Variants in FAM81A observed in about 807,000 individuals in gnomAD.
The protein encoded by FAM81A is family with sequence similarity 81 member A.
A neutral mutation model predicts 46.7 loss-of-function variants in FAM81A; 19 were observed. The ratio of observed to expected loss-of-function variants is 0.41; its 90% CI spans 0.28 to 0.60. The LOEUF (loss-of-function observed/expected upper bound fraction) is 0.60, where lower values mean the gene tolerates loss of function less well. FAM81A is among the 20% of genes least tolerant of loss of function. The pLI, the probability that FAM81A is intolerant of heterozygous loss-of-function variation, is 0.34. For missense variants in FAM81A, 377 were observed against 453.5 expected (o/e 0.83, Z 1.53); for synonymous variants, 183 against 152.9 (o/e 1.20, Z -1.45).
intron 4 of FAM81A, among the ~76,000 whole-genome samples, chr15:59,496,022 T>A (rs1394400274): frequency 2.0e-5 from 3 of 152,236 alleles, no homozygotes; most frequent in Admixed American, 6.5e-5. Flanking sequence ...TTAATCTTGC[T>A]TATATCTAAC....
intron 2 of FAM81A, among the ~76,000 whole-genome samples, chr15:59,421,519 C>T (rs1482423071): frequency 3.9e-5 from 6 of 152,108 alleles, no homozygotes; most frequent in Admixed American, 1.3e-4. Context: ...GAGCCTCTCC[C>T]GAATTTCTGC....
intron 1 of FAM81A, among the ~76,000 whole-genome samples, chr15:59,441,531 T>C (rs1403017323): frequency 1.3e-5 from 2 of 152,252 alleles, no homozygotes; most frequent in East Asian, 3.8e-4. Context: ...GCTACTCTGT[T>C]GAACTGTCCT....
At chr15:59,487,462 GA>G (rs1355984756) in intron 3 of FAM81A, among the ~76,000 whole-genome samples, 1 of 151,108 alleles carries the variant, frequency 6.6e-6, no homozygotes, top group African/African-American at 2.4e-5. Context: ...AAAAATCAAT[GA>G]AACAAAAAGT....
At chr15:59,410,220 C>T (rs2081114360) in intron 2 of FAM81A, among the ~76,000 whole-genome samples, 3 of 151,964 alleles carry the variant, frequency 2.0e-5, no homozygotes, top group Admixed American at 6.6e-5. Flanking sequence ...AGCTGGAACC[C>T]GGGAGGTAGA....
chr15:59,413,399 A>C (rs2081130843), intron 2 of FAM81A, among the ~76,000 whole-genome samples: 1 of 146,484 alleles, frequency 6.8e-6, no homozygotes, highest in Admixed American at 7.0e-5. Context: ...GGGCCTCAAA[A>C]CTGGGTTGAG....
At chr15:59,446,165 G>A (rs1170027494) in intron 1 of FAM81A, among the ~76,000 whole-genome samples, 1 of 152,240 alleles carries the variant, frequency 6.6e-6, no homozygotes, top group Admixed American at 6.5e-5. Flanking sequence ...TGTAGGATGT[G>A]GTTTCCGCTG....
chr15:59,412,781 T>C (rs372913447), intron 2 of FAM81A, among the ~76,000 whole-genome samples: 10 of 151,716 alleles, frequency 6.6e-5, no homozygotes, highest in African/African-American at 2.4e-4. Context: ...TGCTGCCATC[T>C]GCTGTGGAGT....
chr15:59,521,063 C>G (rs1465730775), intron 8 of FAM81A, among the ~76,000 whole-genome samples, 191 bp from the exon 9 acceptor site: 3 of 151,998 alleles, frequency 2.0e-5, no homozygotes, highest in Non-Finnish European at 4.4e-5. Flanking sequence ...TTCCTTTTTC[C>G]TTTTTGTAAT....
At chr15:59,483,974 C>T (rs1359237009) in intron 3 of FAM81A, among the ~76,000 whole-genome samples, 1 of 152,180 alleles carries the variant, frequency 6.6e-6, no homozygotes, top group African/African-American at 2.4e-5. Context: ...TGTAAAGAGG[C>T]ATCCTCCTGG....
chr15:59,460,352 A>G lies in FAM81A; in HGVS notation c.294+146A>G, dbSNP rs1369915382. ...GTCTTGTCTATTCTTAATGATCGCC[A>G]AGGAGACAGCTTGCAGAAATATCCT... On this transcript the variant is annotated intron_variant, in intron 3 of 8. Transcript: ENST00000288228. This position sits in a 1 kb window ranked among gnomAD's most constrained non-coding sequence, Gnocchi z 4.4. 1 of 1,055,974 alleles carries G rather than the reference A, an allele frequency of 9.5e-7. No homozygotes were observed. The highest frequency in any genetic ancestry group is 1.5e-6 in the Non-Finnish European group (1 of 682,486). 65.4% of individuals were successfully genotyped at this position (1,055,974 alleles called of 1,614,324 possible). A position where few individuals can be genotyped will look rare whatever the true frequency, so the allele number is the denominator to read the frequency against.
At chr15:59,472,863 A>T (rs2081714071) in intron 3 of FAM81A, among the ~76,000 whole-genome samples, 1 of 152,234 alleles carries the variant, frequency 6.6e-6, no homozygotes, top group African/African-American at 2.4e-5. Flanking sequence ...AAATTGCTGT[A>T]AATAATATAC....
At position 59,521,384 on chromosome 15, in the gene FAM81A, G is replaced by A. The variant is rs1445973248; in HGVS notation, c.*6G>A. 3 of 1,601,976 alleles carry A rather than the reference G, an allele frequency of 1.9e-6. No individual in the cohort carries two copies. In the African/African-American group the frequency reaches 4.0e-5, roughly 21 times the overall value. ...AGCCAGAGACCCCCATGTGAAGGGA[G>A]CTGGGACAAGGTCCTAAAAGACAGT... On this transcript the variant is annotated 3_prime_UTR_variant, in exon 9 of 9. Transcript: ENST00000288228.
At chr15:59,458,694 G>A (rs749427234) in intron 2 of FAM81A, 48 bp downstream of exon 2, 2 of 1,539,752 alleles carry the variant, frequency 1.3e-6, no homozygotes, top group Admixed American at 3.4e-5. Context: ...TAGTGGGTGT[G>A]ATAGTTACAA....
chr15:59,402,093 G>A (rs200767464), intron 1 of FAM81A: 20 of 454,692 alleles, frequency 4.4e-5, no homozygotes, highest in Middle Eastern at 1.2e-3. Context: ...AGCTGACGCC[G>A]TGCAGGCCTG....
At chr15:59,499,244 A>C (rs558700422) in intron 4 of FAM81A, among the ~76,000 whole-genome samples, 1 of 152,306 alleles carries the variant, frequency 6.6e-6, no homozygotes, top group South Asian at 2.1e-4. Context: ...TTGCAGGATC[A>C]GTTTGCTAGT....
chr15:59,441,287 T>C (rs2081294683), intron 1 of FAM81A, among the ~76,000 whole-genome samples: 1 of 152,212 alleles, frequency 6.6e-6, no homozygotes, highest in African/African-American at 2.4e-5. Flanking sequence ...GAAACTCTGG[T>C]GGGGTCCTCG....
At chr15:59,499,529 T>C (rs1275119820) in intron 4 of FAM81A, among the ~76,000 whole-genome samples, 2 of 152,230 alleles carry the variant, frequency 1.3e-5, no homozygotes, top group Admixed American at 6.5e-5. Flanking sequence ...TTCAAATTAC[T>C]AACTGGGGCA....
chr15:59,458,218 C>T (rs977495186), intron 1 of FAM81A, among the ~76,000 whole-genome samples: 1 of 152,156 alleles, frequency 6.6e-6, no homozygotes, highest in African/African-American at 2.4e-5. Flanking sequence ...CTATTAAACA[C>T]TCTAGTTTCT....
chr15:59,401,176 T>C, intron 1 of FAM81A: 1 of 779,400 alleles, frequency 1.3e-6, no homozygotes, highest in Non-Finnish European at 2.4e-6. Context: ...TGGCAGTTTT[T>C]TCAATTGGTG....
Sources: gnomAD v4.1 joint callset for allele counts (sites outside exome capture counted in the v4.1 genomes callset) on GRCh38, gnomAD v4.1.1 for gene constraint, Gnocchi (gnomAD v3.1) non-coding constraint, MANE v1.5 for transcripts, NCBI Gene and HGNC (gene_info 2026-07-23, HGNC 2026-07-21) for gene names.